The following BACE2 variants were observed in gnomAD, a reference collection of about 807,000 sequenced individuals.
BACE2 encodes the protein beta-secretase 2.
Under a neutral mutation model 46.2 loss-of-function variants are expected in BACE2, and 17 were observed. The observed-to-expected ratio is 0.37, with a 90% CI of 0.25 to 0.55. The LOEUF (loss-of-function observed/expected upper bound fraction) is 0.55. BACE2 is among the 20% of genes least tolerant of loss of function. BACE2 has a pLI of 0.82. For missense variants in BACE2, 595 were observed against 698.1 expected (o/e 0.85, Z 1.66); for synonymous variants, 277 against 295.9 (o/e 0.94, Z 0.66).
intron 1 of BACE2, among the ~76,000 whole-genome samples, chr21:41,172,088 T>A (rs544817003): frequency 1.9e-3 from 288 of 152,264 alleles, no homozygotes; most frequent in Non-Finnish European, 3.0e-3. Flanking sequence ...CAAGAAGAAA[T>A]CTGATGGAGC....
At position 41,168,300 on chromosome 21, in the gene BACE2, C is replaced by T. The variant is rs1984454372; in HGVS notation, c.37C>T (p.Leu13=). ...GGCCCGGGCGCTGCTGCTGCCTCTG[C>T]TGGCCCAGTGGCTCCTGCGCGCCGC... ...ALARALLLPL[L]AQWLLRAAPE... is the part of the protein sequence containing the mutation. Residue 13 remains leucine (L), a synonymous_variant, in exon 1 of 9, where the codon CTG becomes TTG. Transcript: ENST00000330333. 6 of 1,301,776 alleles carry T rather than the reference C, an allele frequency of 4.6e-6. No homozygotes were observed. In the South Asian group the frequency reaches 1.3e-4, roughly 29 times the overall value. 80.6% of individuals were successfully genotyped at this position (1,301,776 alleles called of 1,614,324 possible).
At chr21:41,275,092 A>T (rs2088471078) in intron 8 of BACE2, among the ~76,000 whole-genome samples, 1 of 152,208 alleles carries the variant, frequency 6.6e-6, no homozygotes, top group African/African-American at 2.4e-5. Context: ...TCCATGAAGC[A>T]CAGGGTGCTT....
intron 1 of BACE2, among the ~76,000 whole-genome samples, chr21:41,172,818 A>G (rs1359527721): frequency 6.6e-6 from 1 of 152,200 alleles, no homozygotes; most frequent in African/African-American, 2.4e-5. Context: ...AAAACAATAG[A>G]AACTTGTTCT....
intron 1 of BACE2, chr21:41,185,231 T>C (rs1215274468): frequency 6.2e-6 from 1 of 161,080 alleles, no homozygotes; most frequent in Non-Finnish European, 1.5e-5. Flanking sequence ...AAATGGATTA[T>C]GAGCTACGAA....
At chr21:41,261,924 G>A (rs1394790231) in intron 8 of BACE2, among the ~76,000 whole-genome samples, 1 of 152,084 alleles carries the variant, frequency 6.6e-6, no homozygotes, top group African/African-American at 2.4e-5. Flanking sequence ...GTGTATATAG[G>A]TGAGTATGTA....
At chr21:41,192,078 C>T (rs763663062) in intron 1 of BACE2, among the ~76,000 whole-genome samples, 5 of 152,194 alleles carry the variant, frequency 3.3e-5, no homozygotes, top group African/African-American at 4.8e-5. Flanking sequence ...GTGCACTGCT[C>T]GAAGTTCTGC....
intron 2 of BACE2, among the ~76,000 whole-genome samples, chr21:41,232,259 C>T (rs533143139): frequency 2.0e-5 from 3 of 152,036 alleles, no homozygotes; most frequent in Admixed American, 2.0e-4. Flanking sequence ...GGAACTCTGC[C>T]GTTTAGACAC....
rs530306662 is a variant in BACE2 at position 41,193,429 on chromosome 21, C to T, written c.312+24854C>T. 2.6e-5 allele frequency among the ~76,000 whole-genome samples: 4 copies of T among 152,236 alleles called. No homozygotes were observed. The highest frequency in any genetic ancestry group is 2.1e-4 in the South Asian group (1 of 4,828). On this transcript the variant is annotated intron_variant, in intron 1 of 8. Coordinates refer to ENST00000330333, the MANE Select transcript of BACE2 (RefSeq NM_012105.5). This position sits in a 1 kb window ranked among gnomAD's most constrained non-coding sequence, Gnocchi z 4.2. ...TAACCCACTGTCATTCTCCAAGATCCGTCTGTCTTCTGCACAGGCCAGATG... is the reference window on the plus strand; with the variant it reads ...TAACCCACTGTCATTCTCCAAGATCTGTCTGTCTTCTGCACAGGCCAGATG...
chr21:41,179,131 T>C, intron 1 of BACE2: 1 of 1,133,586 alleles, frequency 8.8e-7, no homozygotes, highest in Non-Finnish European at 1.1e-6. Context: ...GGAGTGAGGG[T>C]GTCAGGGTGA....
chr21:41,232,239 A>G (rs1404981797), intron 2 of BACE2, among the ~76,000 whole-genome samples: 1 of 152,162 alleles, frequency 6.6e-6, no homozygotes, highest in East Asian at 1.9e-4. Context: ...GCGCTGGTGC[A>G]GGGCAGAGAG....
At chr21:41,169,775 C>T (rs1382351633) in intron 1 of BACE2, among the ~76,000 whole-genome samples, 1 of 152,094 alleles carries the variant, frequency 6.6e-6, no homozygotes, top group Non-Finnish European at 1.5e-5. Context: ...CCTTCAAAAG[C>T]GTATATTCAA....
At chr21:41,246,829 G>A (rs1450520304) in intron 6 of BACE2, among the ~76,000 whole-genome samples, 3 of 152,174 alleles carry the variant, frequency 2.0e-5, no homozygotes, top group African/African-American at 4.8e-5. Flanking sequence ...GATGCCTGGC[G>A]AGGGGTTTTG....
intron 3 of BACE2, among the ~76,000 whole-genome samples, chr21:41,239,392 T>C (rs1444529088): frequency 6.6e-6 from 1 of 152,208 alleles, no homozygotes; most frequent in Non-Finnish European, 1.5e-5. Context: ...TTTTTTATTT[T>C]TTTGAGAGAG....
At chr21:41,177,981 G>A (rs1470247596) in intron 1 of BACE2, 1 of 152,146 alleles carries the variant, frequency 6.6e-6, no homozygotes, top group East Asian at 1.9e-4. Flanking sequence ...CCACCCCAGG[G>A]GACATCTGGC....
chr21:41,272,828 A>G (rs1223251018), intron 8 of BACE2, among the ~76,000 whole-genome samples: 1 of 152,172 alleles, frequency 6.6e-6, no homozygotes, highest in Non-Finnish European at 1.5e-5. Context: ...GCTTCTTTGC[A>G]TAATTAGTGC....
Position 41,275,941 on chromosome 21 carries a change from A to C in BACE2, c.*317A>C. 1 of 314,336 alleles carries C rather than the reference A, an allele frequency of 3.2e-6. No homozygotes were observed. Among genetic ancestry groups the C allele is most frequent in the East Asian group, 6.1e-5 (1 of 16,356 alleles). 19.5% of individuals were successfully genotyped at this position (314,336 alleles called of 1,614,324 possible). On this transcript the variant is annotated 3_prime_UTR_variant, in exon 9 of 9. Transcript: ENST00000330333. The stretch of plus-strand genomic sequence containing the variant: ...GTGCCACCAACATAAAACAAAACCA[A>C]GCCTTGGCTCGTTCTCTTCTCTCTT...
At chr21:41,177,238 TGTGCCTGCCTCCCCA>T (rs772897000) in intron 1 of BACE2, 19 of 152,262 alleles carry the variant, frequency 1.2e-4, no homozygotes, top group Non-Finnish European at 1.5e-5. Flanking sequence ...CTGGAGGACG[TGTGCCTGCCTCCCCA>T]GTGCCTCACA....
chr21:41,200,167 T>C (rs1985911202), intron 1 of BACE2, among the ~76,000 whole-genome samples: 1 of 149,652 alleles, frequency 6.7e-6, no homozygotes. Flanking sequence ...TGTGCACATG[T>C]ACCCTAAAAC....
intron 1 of BACE2, among the ~76,000 whole-genome samples, chr21:41,207,908 C>T (rs533492570): frequency 6.6e-6 from 1 of 152,338 alleles, no homozygotes; most frequent in East Asian, 1.9e-4. Flanking sequence ...GCAGCCAGTG[C>T]TCTCAGCTGG....
Sources: gnomAD v4.1 joint callset for allele counts (sites outside exome capture counted in the v4.1 genomes callset) on GRCh38, gnomAD v4.1.1 for gene constraint, Gnocchi (gnomAD v3.1) non-coding constraint, MANE v1.5 for transcripts, NCBI Gene and HGNC (gene_info 2026-07-23, HGNC 2026-07-21) for gene names.